Variants in APOLD1 observed in about 807,000 individuals in gnomAD.
The protein encoded by APOLD1 is apolipoprotein L domain containing 1, also known as apolipoprotein L domain-containing protein 1.
A neutral mutation model predicts 15.3 loss-of-function variants in APOLD1; 22 were observed. The observed-to-expected ratio is 1.44, with a 90% CI of 1.03 to 2.05. APOLD1 has a LOEUF of 2.05. APOLD1 is among the 30% of genes most tolerant of loss of function. The pLI, the probability that APOLD1 is intolerant of heterozygous loss-of-function variation, is 0.00. For missense variants in APOLD1, 394 were observed against 353.5 expected, an observed-to-expected ratio of 1.11 and a Z score of -0.92; for synonymous variants, 190 against 167.4, an observed-to-expected ratio of 1.13 and a Z score of -1.04.
Position 12,787,660 on chromosome 12 carries a change from C to T in APOLD1, c.*8C>T. 1 of 1,575,772 alleles carries T rather than the reference C, an allele frequency of 6.3e-7. No homozygotes were observed. Among genetic ancestry groups the T allele is most frequent in the East Asian group, 2.2e-5 (1 of 44,470 alleles). On this transcript the variant is annotated 3_prime_UTR_variant, in exon 2 of 2. Transcript: ENST00000356591. The surrounding 1 kb of genome is among the most constrained non-coding windows in gnomAD (Gnocchi z 4.9). ...GCAGGGCTGTTTTTCTGAGAACATC[C>T]TTTCCCCCTAATGACCGAGGCCAGC...
At chr12:12,760,783 C>T (rs1213805626) in intron 1 of APOLD1, among the ~76,000 whole-genome samples, 1 of 151,980 alleles carries the variant, frequency 6.6e-6, no homozygotes, top group Non-Finnish European at 1.5e-5. Flanking sequence ...AGATCATTTA[C>T]ATATAAGGAT....
intron 1 of APOLD1, among the ~76,000 whole-genome samples, chr12:12,758,370 C>A (rs1012729227): frequency 6.6e-6 from 1 of 151,976 alleles, no homozygotes; most frequent in African/African-American, 2.4e-5. Flanking sequence ...CATGGTGAAA[C>A]CTTGTCCGTA....
chr12:12,778,589 A>G (rs1237709448), intron 1 of APOLD1, among the ~76,000 whole-genome samples: 1 of 151,838 alleles, frequency 6.6e-6, no homozygotes, highest in Non-Finnish European at 1.5e-5. Flanking sequence ...CGGCCCCCCA[A>G]AGTGCTGGGA....
intron 1 of APOLD1, among the ~76,000 whole-genome samples, chr12:12,747,423 A>G (rs1592294406): frequency 1.3e-5 from 2 of 152,362 alleles, no homozygotes; most frequent in South Asian, 4.1e-4. Flanking sequence ...GGGAAAATAA[A>G]GTGAGCATGC....
chr12:12,748,078 C>A (rs918081915), intron 1 of APOLD1, among the ~76,000 whole-genome samples: 6 of 151,960 alleles, frequency 3.9e-5, no homozygotes, highest in Non-Finnish European at 7.4e-5. Flanking sequence ...GGCTGAAGAG[C>A]GTTAATAAGC....
chr12:12,754,688 C>T (rs1057363532), intron 1 of APOLD1, among the ~76,000 whole-genome samples: 4 of 152,002 alleles, frequency 2.6e-5, no homozygotes, highest in African/African-American at 9.7e-5. Flanking sequence ...ACCTGAGCAC[C>T]CCAAAGTGCT....
intron 1 of APOLD1, among the ~76,000 whole-genome samples, chr12:12,776,777 TAAAAAATCGGATTATG>T (rs935879931): frequency 2.6e-5 from 4 of 152,104 alleles, no homozygotes; most frequent in Non-Finnish European, 5.9e-5. Flanking sequence ...CCTTTAAAAA[TAAAAAATCGGATTATG>T]AAGCAGTAAC....
chr12:12,787,011 C>T lies in APOLD1; in HGVS notation c.106C>T (p.Leu36=). Residue 36 remains leucine (L), a synonymous_variant, in exon 2 of 2, where the codon CTG becomes TTG. Transcript: ENST00000356591. This position sits in a 1 kb window ranked among gnomAD's most constrained non-coding sequence, Gnocchi z 4.9. The part of the protein sequence containing the change: ...DRRGRLHGQV[L]RLREVARRLE... The stretch of plus-strand genomic sequence containing the variant: ...CCGAGGCCGGCTGCACGGCCAGGTG[C>T]TGCGCCTGCGCGAGGTGGCCCGGCG... 1 of 1,393,592 alleles carries T rather than the reference C, an allele frequency of 7.2e-7. No individual in the cohort carries two copies. Among genetic ancestry groups the T allele is most frequent in the Non-Finnish European group, 9.2e-7 (1 of 1,085,726 alleles). 86.3% of individuals were successfully genotyped at this position (1,393,592 alleles called of 1,614,324 possible). A position where few individuals can be genotyped will look rare whatever the true frequency, so the allele number is the denominator to read the frequency against.
chr12:12,779,988 A>T (rs1415468392), intron 1 of APOLD1, among the ~76,000 whole-genome samples: 1 of 152,098 alleles, frequency 6.6e-6, no homozygotes, highest in Non-Finnish European at 1.5e-5. Context: ...TGCAATATAG[A>T]TATCCTAGAG....
intron 1 of APOLD1, among the ~76,000 whole-genome samples, chr12:12,727,986 A>C (rs762793775): frequency 6.6e-6 from 1 of 151,680 alleles, no homozygotes; most frequent in Non-Finnish European, 1.5e-5. Flanking sequence ...TTTTCTTTTA[A>C]AGACAGGTCT....
chr12:12,771,098 G>T (rs1028393225), intron 1 of APOLD1, among the ~76,000 whole-genome samples: 1 of 152,032 alleles, frequency 6.6e-6, no homozygotes, highest in African/African-American at 2.4e-5. Context: ...AATAGTAAAA[G>T]AATTTCCTTA....
At chr12:12,769,870 A>C (rs538863327) in intron 1 of APOLD1, among the ~76,000 whole-genome samples, 2 of 152,270 alleles carry the variant, frequency 1.3e-5, no homozygotes, top group South Asian at 4.1e-4. Context: ...CGGACTGTAG[A>C]ATGCTTCCTT....
Position 12,746,510 on chromosome 12 carries a change from A to ATAAATACATAAATAC in APOLD1, c.96+20414_96+20415insTAAATACATAAATAC, listed in dbSNP as rs1555089065. ...AAACTCCATCTCAAATAAATAAATA[A>ATAAATACATAAATAC]ATAAATACATAAATACATACATACA... On this transcript the variant is annotated intron_variant, in intron 1 of 1. Coordinates refer to the APOLD1 transcript ENST00000326765. 1.6e-4 allele frequency among the ~76,000 whole-genome samples: 24 copies of ATAAATACATAAATAC among 149,952 alleles called. No individual in the cohort carries two copies. The South Asian group carries it at 2.8e-3, about 18-fold the overall frequency.
At chr12:12,747,041 A>C (rs111448847) in intron 1 of APOLD1, among the ~76,000 whole-genome samples, 2 of 152,306 alleles carry the variant, frequency 1.3e-5, no homozygotes, top group African/African-American at 4.8e-5. Flanking sequence ...TCAGACTTCT[A>C]GATTATAATC....
At chr12:12,741,945 G>A (rs4763298) in intron 1 of APOLD1, among the ~76,000 whole-genome samples, 16,631 of 152,226 alleles carry the variant, frequency 0.11, 1,235 homozygotes, top group Admixed American at 0.22. Flanking sequence ...ACAGGAAGAA[G>A]GCCAGCAGGC....
upstream of APOLD1, among the ~76,000 whole-genome samples, chr12:12,784,051 A>C (rs528409117): frequency 1.3e-5 from 2 of 152,252 alleles, no homozygotes; most frequent in African/African-American, 4.8e-5. Flanking sequence ...ACAGAGAAAA[A>C]CAAATTCCAA....
intron 1 of APOLD1, among the ~76,000 whole-genome samples, chr12:12,775,342 A>G (rs1482785020): frequency 3.3e-5 from 5 of 152,184 alleles, no homozygotes; most frequent in African/African-American, 1.2e-4. Flanking sequence ...AGGGCAGGTA[A>G]ACTACTCTGT....
intron 1 of APOLD1, among the ~76,000 whole-genome samples, chr12:12,729,892 A>G (rs1186833074): frequency 1.3e-5 from 2 of 151,898 alleles, no homozygotes; most frequent in African/African-American, 4.8e-5. Context: ...TTTTGAGACC[A>G]GGTCTCACTC....
chr12:12,771,083 C>G (rs906793381), intron 1 of APOLD1, among the ~76,000 whole-genome samples: 2 of 151,786 alleles, frequency 1.3e-5, no homozygotes, highest in Non-Finnish European at 2.9e-5. Context: ...TGTTGCCTTG[C>G]AAGAAATAGT....
Sources: gnomAD v4.1 joint callset for allele counts (sites outside exome capture counted in the v4.1 genomes callset) on GRCh38, gnomAD v4.1.1 for gene constraint, Gnocchi (gnomAD v3.1) non-coding constraint, MANE v1.5 for transcripts, NCBI Gene and HGNC (gene_info 2026-07-23, HGNC 2026-07-21) for gene names.